The following IL12RB2 variants were observed in gnomAD, a reference collection of about 807,000 sequenced individuals.
The protein encoded by IL12RB2 is interleukin-12 receptor subunit beta-2.
IL12RB2 carries 82 observed loss-of-function variants against 89.4 expected under a neutral mutation model. The observed-to-expected ratio is 0.92, with a 90% CI of 0.77 to 1.10. The LOEUF (loss-of-function observed/expected upper bound fraction) is 1.10. Among genes scored for constraint, IL12RB2 ranks in the 50% least tolerant of loss-of-function variants. The pLI is 0.00. For synonymous variants in IL12RB2, 368 were observed against 370.1 expected (o/e 0.99, Z 0.07); for missense variants, 963 against 1,031.9 (o/e 0.93, Z 0.92).
At chr1:67,326,287 C>A (rs1466543590) in intron 4 of IL12RB2, among the ~76,000 whole-genome samples, 1 of 152,170 alleles carries the variant, frequency 6.6e-6, no homozygotes, top group Non-Finnish European at 1.5e-5. Context: ...GGAGCTAGCA[C>A]TGGATGTTCA....
intron 10 of IL12RB2, among the ~76,000 whole-genome samples, chr1:67,354,983 G>A (rs1661227053): frequency 1.3e-5 from 2 of 152,152 alleles, no homozygotes; most frequent in African/African-American, 2.4e-5. Flanking sequence ...AGGCATGGTG[G>A]CACATGACTG....
In IL12RB2 at chr1:67,396,239, G is replaced by C. The variant is rs907786907; in HGVS notation, c.*150G>C. ...GGACAGGCAAGCCAGCTCTGGGGGAGTCTTAGGAACTGGGAGTTGGTCTTC... is the reference window on the plus strand; with the variant it reads ...GGACAGGCAAGCCAGCTCTGGGGGACTCTTAGGAACTGGGAGTTGGTCTTC... On this transcript the variant is annotated 3_prime_UTR_variant, in exon 17 of 17. Coordinates refer to ENST00000674203, the MANE Select transcript of IL12RB2 (RefSeq NM_001374259.2). 5 of 747,474 alleles carry C rather than the reference G, an allele frequency of 6.7e-6. No homozygotes were observed. In the African/African-American group the frequency reaches 8.5e-5, roughly 13 times the overall value. 46.3% of individuals were successfully genotyped at this position (747,474 alleles called of 1,614,324 possible). A position where few individuals can be genotyped will look rare whatever the true frequency, so the allele number is the denominator to read the frequency against.
intron 9 of IL12RB2, among the ~76,000 whole-genome samples, chr1:67,348,433 G>A (rs900003294): frequency 6.6e-6 from 1 of 152,112 alleles, no homozygotes; most frequent in Non-Finnish European, 1.5e-5. Context: ...CGAGAGCTCT[G>A]GGCTCTGCGC....
chr1:67,379,335 C>T (rs1182745568), intron 13 of IL12RB2, among the ~76,000 whole-genome samples: 1 of 150,142 alleles, frequency 6.7e-6, no homozygotes. Flanking sequence ...CATGGTGAAA[C>T]CCCATCACTA....
In IL12RB2 at chr1:67,320,423, C is replaced by T. The variant is rs1302454892; in HGVS notation, c.55C>T (p.Leu19=). 5 of 1,613,854 alleles carry T rather than the reference C, an allele frequency of 3.1e-6. No homozygotes were observed. The highest frequency in any genetic ancestry group is 4.2e-6 in the Non-Finnish European group (5 of 1,179,914). Residue 19 remains leucine, a synonymous_variant, in exon 3 of 17, where the codon CTG becomes TTG. Transcript: ENST00000674203. The part of the protein sequence containing the change: ...SLAFMFIITW[L]LIKAKIDACK... ...GGCATTTATGTTTATAATCACGTGGCTGTTGATTAAAGCAAAAATAGGTAA... is the reference window on the plus strand; with the variant it reads ...GGCATTTATGTTTATAATCACGTGGTTGTTGATTAAAGCAAAAATAGGTAA...
At chr1:67,384,760 A>G (rs1664963403) in intron 14 of IL12RB2, among the ~76,000 whole-genome samples, 1 of 152,202 alleles carries the variant, frequency 6.6e-6, no homozygotes, top group African/African-American at 2.4e-5. Flanking sequence ...TCTCTGGGGC[A>G]GGTACAAAAT....
In IL12RB2 at chr1:67,374,899, ATTTTGTC is replaced by A. The variant is rs201705166; in HGVS notation, c.1717+2117_1717+2123del. Reference sequence around the variant, plus strand: ...GGATGTTGAAGAAAATGCCTTCCTTATTTTGTCACAAATCTGATGACTCTAAAGCCTG... The same window carrying A: ...GGATGTTGAAGAAAATGCCTTCCTTAACAAATCTGATGACTCTAAAGCCTG... On this transcript the variant is annotated intron_variant, in intron 13 of 16. Transcript: ENST00000674203. 6.6e-3 allele frequency among the ~76,000 whole-genome samples: 899 copies of A among 136,078 alleles called. 12 individuals carry two copies. The highest frequency in any genetic ancestry group is 0.023 in the African/African-American group (850 of 36,202). 89.3% of individuals were successfully genotyped at this position (136,078 alleles called of 152,430 possible).
At chr1:67,320,273 T>G in intron 2 of IL12RB2, 60 bp from the exon 3 acceptor site, 1 of 1,606,880 alleles carries the variant, frequency 6.2e-7, no homozygotes, top group Non-Finnish European at 8.5e-7. Context: ...TTCTGAGCTA[T>G]TTTGGCTCTG....
intron 11 of IL12RB2, among the ~76,000 whole-genome samples, chr1:67,368,728 G>A (rs918441979): frequency 9.2e-5 from 14 of 152,322 alleles, no homozygotes; most frequent in South Asian, 6.2e-4. Context: ...ACCTGGGTTC[G>A]AGTCTTGGCT....
chr1:67,370,428 C>T (rs1009399903), intron 11 of IL12RB2, among the ~76,000 whole-genome samples: 4 of 152,150 alleles, frequency 2.6e-5, no homozygotes, highest in African/African-American at 9.7e-5. Flanking sequence ...TCTAGAAAAC[C>T]TTCCCTGCAC....
Position 67,335,803 on chromosome 1 carries a change from G to T in IL12RB2, c.959-2821G>T, listed in dbSNP as rs1170423995. ...GATTTTACACCCCTGGTCATGAAAT[G>T]TTACACTTTTTAGAGACTCATGCAG... On this transcript the variant is annotated intron_variant, in intron 8 of 16. Coordinates refer to ENST00000674203, the MANE Select transcript of IL12RB2 (RefSeq NM_001374259.2). Among the ~76,000 whole-genome samples, 4 of 152,262 alleles carry T rather than the reference G, an allele frequency of 2.6e-5. No homozygotes were observed. In the East Asian group the frequency reaches 7.7e-4, roughly 29 times the overall value.
At position 67,398,228 on chromosome 1, in the gene IL12RB2, A is replaced by T. The variant is rs1194402745; in HGVS notation, c.*2139A>T. ...ACAAACCGTGACAGACATGCCCTTG[A>T]CTGGCACAAACCATGACAGACAAGG... On this transcript the variant is annotated 3_prime_UTR_variant, in exon 17 of 17. Transcript: ENST00000674203. Among the ~76,000 whole-genome samples the T allele has an allele frequency of 6.6e-6, 1 of 152,106 alleles. No individual in the cohort carries two copies. The highest frequency in any genetic ancestry group is 2.4e-5 in the African/African-American group (1 of 41,410).
chr1:67,340,460 T>C (rs1301198560), intron 9 of IL12RB2, among the ~76,000 whole-genome samples: 1 of 152,242 alleles, frequency 6.6e-6, no homozygotes, highest in Admixed American at 6.5e-5. Flanking sequence ...TGGAAAGATA[T>C]GCTACGTGTT....
intron 13 of IL12RB2, among the ~76,000 whole-genome samples, chr1:67,374,843 T>G: frequency 6.8e-6 from 1 of 146,010 alleles, no homozygotes; most frequent in East Asian, 2.0e-4. Context: ...CAAAGCCTCT[T>G]GAGTCTGTTG....
intron 4 of IL12RB2, 129 bp from the exon 5 acceptor site, chr1:67,326,606 A>G: frequency 1.4e-6 from 2 of 1,451,990 alleles, no homozygotes; most frequent in Non-Finnish European, 1.9e-6. Context: ...AATGGAATCT[A>G]AAATAGCTTC....
At chr1:67,386,919 CT>C (rs1267549745) in intron 15 of IL12RB2, among the ~76,000 whole-genome samples, 52 of 60,700 alleles carry the variant, frequency 8.6e-4, no homozygotes, top group African/African-American at 3.6e-3. Context: ...TATATATATT[CT>C]TTTTTTCCCC....
chr1:67,388,213 G>C (rs977642026), intron 15 of IL12RB2, among the ~76,000 whole-genome samples: 1 of 152,132 alleles, frequency 6.6e-6, no homozygotes, highest in Non-Finnish European at 1.5e-5. Flanking sequence ...TGCAAGAAAA[G>C]AAAACAAAAC....
chr1:67,330,513 T>C, intron 7 of IL12RB2, 147 bp from the exon 8 acceptor site: 1 of 630,174 alleles, frequency 1.6e-6, no homozygotes, highest in Non-Finnish European at 2.8e-6. Flanking sequence ...GGTAAGACAG[T>C]CACTGATATT....
chr1:67,387,226 A>ATTATATTCTATTATAT (rs1156696979), intron 15 of IL12RB2, among the ~76,000 whole-genome samples: 2 of 151,666 alleles, frequency 1.3e-5, no homozygotes, highest in East Asian at 3.9e-4. Flanking sequence ...CACTGCACCA[A>ATTATATTCTATTATAT]GCCTATTCTA....
Sources: gnomAD v4.1 joint callset for allele counts (sites outside exome capture counted in the v4.1 genomes callset) on GRCh38, gnomAD v4.1.1 for gene constraint, MANE v1.5 for transcripts, NCBI Gene and HGNC (gene_info 2026-07-23, HGNC 2026-07-21) for gene names.